UNC13C: variants seen among roughly 807,000 people sequenced by gnomAD.
UNC13C encodes the protein unc-13 homolog C, also known as protein unc-13 homolog C.
Under a neutral mutation model 245.4 loss-of-function variants are expected in UNC13C, and 174 were observed. That is an observed-to-expected ratio of 0.71 (90% CI 0.63 to 0.80). UNC13C has a LOEUF of 0.80. Among genes scored for constraint, UNC13C ranks in the 30% least tolerant of loss-of-function variants. The probability of loss-of-function intolerance (pLI) is 0.00; values close to 1 mark genes in which losing one functional copy is unlikely to be tolerated. For missense variants in UNC13C, 2,829 were observed against 2,602.9 expected, an observed-to-expected ratio of 1.09 and a Z score of -1.89; for synonymous variants, 992 against 895.1, an observed-to-expected ratio of 1.11 and a Z score of -1.93.
chr15:54,111,588 C>T (rs1466953001), intron 2 of UNC13C, among the ~76,000 whole-genome samples: 1 of 152,162 alleles, frequency 6.6e-6, no homozygotes, highest in Non-Finnish European at 1.5e-5. Context: ...AATATGATCA[C>T]CACAAGACCT....
At chr15:54,346,754 A>T (rs1225684144) in intron 17 of UNC13C, among the ~76,000 whole-genome samples, 2 of 152,164 alleles carry the variant, frequency 1.3e-5, no homozygotes, top group East Asian at 3.9e-4. Flanking sequence ...AGTTTAGCTT[A>T]GGAACTCCAA....
chr15:54,433,867 A>G (rs547703325), intron 19 of UNC13C, among the ~76,000 whole-genome samples: 32 of 152,236 alleles, frequency 2.1e-4, no homozygotes, highest in African/African-American at 7.7e-4. Context: ...TCAAGCTGAT[A>G]AGCAACTTCA....
At chr15:54,632,890 G>C (rs973973906), downstream of UNC13C, 2 of 152,234 alleles carry the variant, frequency 1.3e-5, no homozygotes, top group Non-Finnish European at 2.9e-5. Flanking sequence ...AGCCAGCCAG[G>C]CACGGTGGCT....
intron 2 of UNC13C, among the ~76,000 whole-genome samples, chr15:54,058,268 G>C (rs1274042146): frequency 6.6e-6 from 1 of 152,044 alleles, no homozygotes; most frequent in Admixed American, 6.6e-5. Flanking sequence ...AATAAAAAAT[G>C]ACAAAGGGGA....
At chr15:54,474,088 T>A (rs866706397) in intron 19 of UNC13C, among the ~76,000 whole-genome samples, 1 of 152,080 alleles carries the variant, frequency 6.6e-6, no homozygotes, top group African/African-American at 2.4e-5. Context: ...TGAAAACTTA[T>A]CTTGGCTATT....
chr15:54,293,649 A>G (rs772902234), intron 10 of UNC13C, among the ~76,000 whole-genome samples: 5 of 152,064 alleles, frequency 3.3e-5, no homozygotes, highest in Non-Finnish European at 5.9e-5. Flanking sequence ...ATTTGATTAT[A>G]TCTAAATCAG....
chr15:53,904,077 T>G, the UNC13C span, among the ~76,000 whole-genome samples: 9 of 152,308 alleles, frequency 5.9e-5, no homozygotes, highest in African/African-American at 1.9e-4. Context: ...GCTTATTGAT[T>G]GACTAGTTTA....
chr15:54,040,906 T>C (rs1481676882), intron 2 of UNC13C, among the ~76,000 whole-genome samples: 1 of 152,194 alleles, frequency 6.6e-6, no homozygotes, highest in Non-Finnish European at 1.5e-5. Context: ...CAGTGAGACT[T>C]ATCTGTATTT....
At chr15:53,980,520 A>G (rs1893884694) in intron 1 of UNC13C, among the ~76,000 whole-genome samples, 1 of 152,244 alleles carries the variant, frequency 6.6e-6, no homozygotes, top group Non-Finnish European at 1.5e-5. Context: ...ATCAAGGATC[A>G]TCTAAAAGAA....
chr15:54,633,437 GA>G (rs1901494385), downstream of UNC13C: 1 of 150,918 alleles, frequency 6.6e-6, no homozygotes, highest in African/African-American at 2.4e-5. Flanking sequence ...CCTGTACAAA[GA>G]AAGATTTTTG....
chr15:54,259,531 T>C (rs539100252), intron 8 of UNC13C, among the ~76,000 whole-genome samples: 83 of 152,244 alleles, frequency 5.5e-4, no homozygotes, highest in Admixed American at 4.8e-3. Flanking sequence ...ATGAGAACAG[T>C]GTGGGGCAAC....
At chr15:54,251,037 C>T (rs985994983) in intron 8 of UNC13C, among the ~76,000 whole-genome samples, 29 of 152,080 alleles carry the variant, frequency 1.9e-4, no homozygotes, top group African/African-American at 6.0e-4. Context: ...ATTACATAGG[C>T]GTGAGCCACC....
intron 26 of UNC13C, among the ~76,000 whole-genome samples, chr15:54,536,849 C>G (rs1896003848): frequency 6.6e-6 from 1 of 151,992 alleles, no homozygotes; most frequent in African/African-American, 2.4e-5. Flanking sequence ...TAAGAACCAT[C>G]TATGACAAAC....
intron 1 of UNC13C, among the ~76,000 whole-genome samples, chr15:53,999,952 G>C (rs1894810036): frequency 6.6e-6 from 1 of 152,022 alleles, no homozygotes; most frequent in Non-Finnish European, 1.5e-5. Flanking sequence ...CTTATTTCAA[G>C]GACCAGTATG....
chr15:54,009,126 CA>C (rs1895269314), intron 1 of UNC13C, among the ~76,000 whole-genome samples: 1 of 152,180 alleles, frequency 6.6e-6, no homozygotes, highest in African/African-American at 2.4e-5. Context: ...CACACACATA[CA>C]GTAGGAGCTC....
chr15:54,122,650 G>C (rs1294211778), intron 2 of UNC13C, among the ~76,000 whole-genome samples: 2 of 151,986 alleles, frequency 1.3e-5, no homozygotes, highest in African/African-American at 4.8e-5. Context: ...TCTTTGCTGT[G>C]AAGGCAACTG....
the UNC13C span, among the ~76,000 whole-genome samples, chr15:53,843,896 G>A: frequency 3.3e-5 from 5 of 152,208 alleles, no homozygotes; most frequent in African/African-American, 9.6e-5. Context: ...TTAAAAAGTG[G>A]GCATTGAAAA....
intron 8 of UNC13C, 141 bp from the exon 9 acceptor site, chr15:54,264,024 TATG>T (rs1363845605): frequency 1.4e-6 from 1 of 706,242 alleles, no homozygotes; most frequent in Non-Finnish European, 2.4e-6. Flanking sequence ...AGCAGTTCAT[TATG>T]ATATTTTTCT....
intron 7 of UNC13C, among the ~76,000 whole-genome samples, chr15:54,247,720 C>T (rs1316688050): frequency 1.3e-5 from 2 of 151,070 alleles, no homozygotes; most frequent in African/African-American, 2.4e-5. Flanking sequence ...TGTTTCAGTG[C>T]CCCATTCAAT....
Sources: gnomAD v4.1 joint callset for allele counts (sites outside exome capture counted in the v4.1 genomes callset) on GRCh38, gnomAD v4.1.1 for gene constraint, MANE v1.5 for transcripts, NCBI Gene and HGNC (gene_info 2026-07-23, HGNC 2026-07-21) for gene names.